LHX8: variants seen among roughly 807,000 people sequenced by gnomAD.
The protein encoded by LHX8 is LIM homeobox 8.
In LHX8, 12 loss-of-function variants were observed where a neutral mutation model predicts 40.3. The ratio of observed to expected loss-of-function variants is 0.30; its 90% CI spans 0.19 to 0.48. The LOEUF is 0.48. LHX8 is among the 20% of genes least tolerant of loss of function. The pLI is 0.99. For missense variants in LHX8, 344 were observed against 433.7 expected (o/e 0.79, Z 1.84); for synonymous variants, 179 against 162.0 (o/e 1.10, Z -0.80).
At chr1:75,142,362 G>T (rs764165280) in intron 4 of LHX8, among the ~76,000 whole-genome samples, 2 of 152,082 alleles carry the variant, frequency 1.3e-5, no homozygotes, top group Non-Finnish European at 2.9e-5. Flanking sequence ...CTGTGATTGT[G>T]ATAGGAGACA....
intron 6 of LHX8, among the ~76,000 whole-genome samples, chr1:75,145,724 C>CT (rs1313298145): frequency 6.6e-6 from 1 of 152,048 alleles, no homozygotes; most frequent in African/African-American, 2.4e-5. Context: ...TCTGTCTTAT[C>CT]AAAACTCCAA....
At chr1:75,189,968 G>GTT in the LHX8 span, among the ~76,000 whole-genome samples, 1 of 152,092 alleles carries the variant, frequency 6.6e-6, no homozygotes, top group Non-Finnish European at 1.5e-5. Context: ...CTTTGCAAAG[G>GTT]CCTCGTCAAA....
At chr1:75,138,287 G>A (rs1035789499) in intron 3 of LHX8, among the ~76,000 whole-genome samples, 11 of 152,080 alleles carry the variant, frequency 7.2e-5, no homozygotes, top group African/African-American at 2.4e-4. Context: ...CCCTGCTTAG[G>A]TTTTCAAAAG....
intron 7 of LHX8, among the ~76,000 whole-genome samples, chr1:75,152,366 C>T (rs1005335865): frequency 2.6e-5 from 4 of 152,120 alleles, no homozygotes; most frequent in African/African-American, 9.7e-5. Context: ...TTTTTCCCCA[C>T]ACACTGCATC....
chr1:75,154,122 CAAG>C (rs1227866990), intron 7 of LHX8, among the ~76,000 whole-genome samples: 1 of 152,064 alleles, frequency 6.6e-6, no homozygotes, highest in Admixed American at 6.6e-5. Context: ...GGTTTGCAAA[CAAG>C]AAGGAGGAAA....
the LHX8 span, among the ~76,000 whole-genome samples, chr1:75,174,177 A>G: frequency 3.9e-5 from 6 of 152,136 alleles, no homozygotes; most frequent in African/African-American, 1.4e-4. Flanking sequence ...GACACTCATG[A>G]TTCATTTGGC....
At position 75,143,020 on chromosome 1, in the gene LHX8, T is replaced by C. The variant is rs985630474; in HGVS notation, c.360-98T>C. On this transcript the variant is annotated intron_variant, in intron 4 of 8. Transcript: ENST00000356261. ...TCACAATATTTAAATACTTAGGTTA[T>C]TTCAATGGGGTAAGATAATGTGCTG... 3.4e-5 allele frequency: 31 copies of C among 921,258 alleles called. No homozygotes were observed. The East Asian group carries it at 7.1e-4, about 21-fold the overall frequency. 57.1% of individuals were successfully genotyped at this position (921,258 alleles called of 1,614,324 possible).
At chr1:75,162,180 A>G (rs915742798), downstream of LHX8, among the ~76,000 whole-genome samples, 2 of 152,162 alleles carry the variant, frequency 1.3e-5, no homozygotes, top group Admixed American at 6.5e-5. Context: ...AAGTAATCAT[A>G]TGGATATAAG....
chr1:75,174,919 G>C, the LHX8 span, among the ~76,000 whole-genome samples: 1 of 152,188 alleles, frequency 6.6e-6, no homozygotes, highest in Middle Eastern at 3.4e-3. Context: ...CATCACTCGA[G>C]CAGTGTACAC....
At chr1:75,189,186 T>C in the LHX8 span, among the ~76,000 whole-genome samples, 1 of 152,208 alleles carries the variant, frequency 6.6e-6, no homozygotes, top group Non-Finnish European at 1.5e-5. Context: ...GCCTGCACCA[T>C]CTGACAGACA....
At chr1:75,180,774 T>C in the LHX8 span, among the ~76,000 whole-genome samples, 2 of 152,218 alleles carry the variant, frequency 1.3e-5, no homozygotes, top group Non-Finnish European at 2.9e-5. Context: ...AGGGGCACTC[T>C]GGTTTTTAGA....
At chr1:75,190,436 A>C in the LHX8 span, among the ~76,000 whole-genome samples, 1 of 152,122 alleles carries the variant, frequency 6.6e-6, no homozygotes, top group African/African-American at 2.4e-5. Flanking sequence ...ACTCCTCCCA[A>C]ATTTGGAAAT....
At chr1:75,143,817 A>G (rs1281228279) in intron 5 of LHX8, 28 bp from the exon 6 acceptor site, 6 of 1,532,404 alleles carry the variant, frequency 3.9e-6, no homozygotes, top group Admixed American at 1.7e-5. Flanking sequence ...TGAATTACCA[A>G]CATATATAGT....
In LHX8 at chr1:75,161,005, T is replaced by G; in HGVS notation, c.*110T>G. On this transcript the variant is annotated 3_prime_UTR_variant, in exon 9 of 9. Coordinates refer to ENST00000356261, the MANE Select transcript of LHX8 (RefSeq NM_001256114.2). ...AATTTTTTATTTAACACCTAAAGCA[T>G]TTCCAACATCACTTTGCTGCCCAGG... 5 of 821,782 alleles carry G rather than the reference T, an allele frequency of 6.1e-6. No individual in the cohort carries two copies. Among genetic ancestry groups the G allele is most frequent in the Non-Finnish European group, 1.0e-5 (5 of 485,090 alleles). 50.9% of individuals were successfully genotyped at this position (821,782 alleles called of 1,614,324 possible).
chr1:75,190,187 G>A, the LHX8 span, among the ~76,000 whole-genome samples: 1 of 152,158 alleles, frequency 6.6e-6, no homozygotes, highest in African/African-American at 2.4e-5. Context: ...CTTAACGAAT[G>A]AGAGGCCAAG....
At chr1:75,157,488 C>T (rs1406021951) in intron 8 of LHX8, among the ~76,000 whole-genome samples, 1 of 152,130 alleles carries the variant, frequency 6.6e-6, no homozygotes, top group South Asian at 2.1e-4. Flanking sequence ...AGAGTGCATA[C>T]GTAATAACTA....
intron 7 of LHX8, among the ~76,000 whole-genome samples, chr1:75,155,620 C>A (rs1485743348): frequency 6.6e-6 from 1 of 152,144 alleles, no homozygotes; most frequent in Non-Finnish European, 1.5e-5. Flanking sequence ...GCATTCTGGG[C>A]AGCCTAGACT....
At chr1:75,196,584 G>A in the LHX8 span, among the ~76,000 whole-genome samples, 1 of 152,098 alleles carries the variant, frequency 6.6e-6, no homozygotes, top group East Asian at 1.9e-4. Flanking sequence ...CCTAATGCTT[G>A]GCTCAGTGGT....
upstream of LHX8, among the ~76,000 whole-genome samples, chr1:75,133,735 T>A (rs1347193355): frequency 6.6e-6 from 1 of 152,166 alleles, no homozygotes; most frequent in Non-Finnish European, 1.5e-5. Context: ...CAGTCAGAAC[T>A]TGAGGCAGAA....
Sources: gnomAD v4.1 joint callset for allele counts (sites outside exome capture counted in the v4.1 genomes callset) on GRCh38, gnomAD v4.1.1 for gene constraint, MANE v1.5 for transcripts, NCBI Gene and HGNC (gene_info 2026-07-23, HGNC 2026-07-21) for gene names.